PPP2R1A: variants seen among roughly 807,000 people sequenced by gnomAD.
PPP2R1A encodes the protein serine/threonine-protein phosphatase 2A 65 kDa regulatory subunit A alpha isoform.
A neutral mutation model predicts 67.1 loss-of-function variants in PPP2R1A; 15 were observed. The observed-to-expected ratio is 0.22, with a 90% CI of 0.15 to 0.34. The LOEUF is 0.34. Ranked by LOEUF, PPP2R1A falls within the 10% of genes least tolerant of loss-of-function variation. PPP2R1A has a pLI of 1.00. For synonymous variants in PPP2R1A, 337 were observed against 325.0 expected, an observed-to-expected ratio of 1.04 and a Z score of -0.40; for missense variants, 369 against 775.0, an observed-to-expected ratio of 0.48 and a Z score of 6.22.
At chr19:52,225,672 C>T (rs1456540274) in intron 13 of PPP2R1A, 45 bp from the exon 14 acceptor site, 2 of 1,575,936 alleles carry the variant, frequency 1.3e-6, no homozygotes, top group Non-Finnish European at 1.7e-6. Context: ...TGCCCCAGTC[C>T]ATCCTGGCTC....
chr19:52,204,149 A>G (rs187137152), intron 2 of PPP2R1A, among the ~76,000 whole-genome samples: 238 of 152,308 alleles, frequency 1.6e-3, no homozygotes, highest in African/African-American at 5.1e-3. Flanking sequence ...AGGCAGATGT[A>G]AGCTCAGTGT....
rs1020254790 is a variant in PPP2R1A, at chr19:52,216,296, A to G, written c.993+222A>G. ...ACCTCAGATGTCACTGAGTCCTGTC[A>G]TTCACAGGGTTTTGGGGTTGGAGTG... On this transcript the variant is annotated intron_variant, in intron 8 of 14. Transcript: ENST00000322088. The surrounding 1 kb of genome is among the most constrained non-coding windows in gnomAD (Gnocchi z 4.3). Among the ~76,000 whole-genome samples the G allele has an allele frequency of 2.6e-5, 4 of 152,130 alleles. No homozygotes were observed. Among genetic ancestry groups the G allele is most frequent in the Non-Finnish European group, 5.9e-5 (4 of 68,022 alleles).
intron 1 of PPP2R1A, chr19:52,201,639 G>GA: frequency 2.6e-6 from 1 of 377,980 alleles, no homozygotes; most frequent in East Asian, 5.2e-5. Context: ...GTGATGAAGA[G>GA]AGAGGAGGAG....
chr19:52,215,894 G>A lies in PPP2R1A; in HGVS notation c.922+1G>A. The A allele has an allele frequency of 6.2e-7, 1 of 1,614,044 alleles. No individual in the cohort carries two copies. Among genetic ancestry groups the A allele is most frequent in the Non-Finnish European group, 8.5e-7 (1 of 1,179,934 alleles). ...GCCGCAGCCTCCCACAAGGTCAAAGGTTGGTGCTGGCAGCCGGAACACAGC... is the reference window on the plus strand; with the variant it reads ...GCCGCAGCCTCCCACAAGGTCAAAGATTGGTGCTGGCAGCCGGAACACAGC... On this transcript the variant is annotated splice_donor_variant, in intron 7 of 14. Transcript: ENST00000322088. LOFTEE classifies it high-confidence loss of function.
At chr19:52,195,050 A>G (rs2089485723) in intron 1 of PPP2R1A, among the ~76,000 whole-genome samples, 2 of 152,184 alleles carry the variant, frequency 1.3e-5, no homozygotes, top group Non-Finnish European at 2.9e-5. Flanking sequence ...GGCCAGAGTA[A>G]GGCCTTAGCT....
Position 52,211,172 on chromosome 19 carries a change from A to G in PPP2R1A, c.271-88A>G. On this transcript the variant is annotated intron_variant, in intron 3 of 14. Transcript: ENST00000322088. This position sits in a 1 kb window ranked among gnomAD's most constrained non-coding sequence, Gnocchi z 5.3. The stretch of plus-strand genomic sequence containing the variant: ...TAATAGGGAAGTTTTCTCTGAGGAG[A>G]TGAGCCCATGATGGGGTGCAGGATG... The G allele has an allele frequency of 2.4e-6, 3 of 1,264,000 alleles. No individual in the cohort carries two copies. The highest frequency in any genetic ancestry group is 3.3e-6 in the Non-Finnish European group (3 of 902,944). 78.3% of individuals were successfully genotyped at this position (1,264,000 alleles called of 1,614,324 possible).
intron 3 of PPP2R1A, among the ~76,000 whole-genome samples, chr19:52,210,735 AC>A (rs559775680): frequency 2.0e-3 from 303 of 151,770 alleles, no homozygotes; most frequent in African/African-American, 6.9e-3. Context: ...CTCGTGATCC[AC>A]CCGCTTCAGC....
At chr19:52,197,098 G>A (rs1346610532) in intron 1 of PPP2R1A, among the ~76,000 whole-genome samples, 2 of 152,132 alleles carry the variant, frequency 1.3e-5, no homozygotes, top group Middle Eastern at 3.2e-3. Context: ...TTCCCAGGCA[G>A]GTCCATGAAT....
intron 1 of PPP2R1A, among the ~76,000 whole-genome samples, chr19:52,195,033 C>T (rs2089485530): frequency 6.6e-6 from 1 of 152,116 alleles, no homozygotes; most frequent in African/African-American, 2.4e-5. Flanking sequence ...TTGTGTTGGG[C>T]CTTGTAGGCC....
chr19:52,212,551 G>C lies in PPP2R1A; in HGVS notation c.504-135G>C. 1 of 1,063,146 alleles carries C rather than the reference G, an allele frequency of 9.4e-7. No individual in the cohort carries two copies. Among genetic ancestry groups the C allele is most frequent in the South Asian group, 1.6e-5 (1 of 63,870 alleles). The allele number at this position is 1,063,146 out of a possible 1,614,324, so 65.9% of individuals were successfully genotyped here. A position where few individuals can be genotyped will look rare whatever the true frequency, so the allele number is the denominator to read the frequency against. On this transcript the variant is annotated intron_variant, in intron 4 of 14. Transcript: ENST00000322088. This position sits in a 1 kb window ranked among gnomAD's most constrained non-coding sequence, Gnocchi z 4.1. ...ACTATCAGCTCCGTTTCATAGGGCTGGGAAGACAGAGAGGGGGTCATCACT... is the reference window on the plus strand; with the variant it reads ...ACTATCAGCTCCGTTTCATAGGGCTCGGAAGACAGAGAGGGGGTCATCACT...
intron 1 of PPP2R1A, among the ~76,000 whole-genome samples, chr19:52,198,990 C>G (rs2089522438): frequency 6.6e-6 from 1 of 152,158 alleles, no homozygotes; most frequent in Admixed American, 6.5e-5. Context: ...TAATTATTCC[C>G]TGTACCATCT....
chr19:52,206,098 C>T (rs375368808), intron 3 of PPP2R1A, 35 bp downstream of exon 3: 2 of 1,581,030 alleles, frequency 1.3e-6, no homozygotes, highest in South Asian at 1.1e-5. Context: ...TTGCCCACCC[C>T]TTAGGGTCGG....
intron 1 of PPP2R1A, chr19:52,201,018 A>C (rs1373445530): frequency 6.6e-6 from 1 of 151,150 alleles, no homozygotes; most frequent in African/African-American, 2.5e-5. Flanking sequence ...GACTGTTTTG[A>C]TGTGCACGTC....
rs187376583 is a variant in PPP2R1A at position 52,200,619 on chromosome 19, A to T, written c.79-1325A>T. Among the ~76,000 whole-genome samples, 6 of 152,300 alleles carry T rather than the reference A, an allele frequency of 3.9e-5. No individual in the cohort carries two copies. In the East Asian group the frequency reaches 1.2e-3, roughly 29 times the overall value. On this transcript the variant is annotated intron_variant, in intron 1 of 14. Coordinates refer to ENST00000322088, the MANE Select transcript of PPP2R1A (RefSeq NM_014225.6). Reference sequence around the variant, plus strand: ...CTTAACACAACGAATTTATTCTCTCACAGTTCTGGAGGCCGGAAGTCTGAA... The same window carrying T: ...CTTAACACAACGAATTTATTCTCTCTCAGTTCTGGAGGCCGGAAGTCTGAA...
intron 10 of PPP2R1A, 115 bp from the exon 11 acceptor site, chr19:52,220,074 T>C: frequency 7.7e-7 from 1 of 1,305,362 alleles, no homozygotes; most frequent in East Asian, 2.3e-5. Context: ...TCAGACAAAG[T>C]TGAGAAGTGT....
intron 13 of PPP2R1A, among the ~76,000 whole-genome samples, chr19:52,224,376 C>T (rs1430016688): frequency 6.6e-6 from 1 of 152,234 alleles, no homozygotes; most frequent in East Asian, 1.9e-4. Context: ...CCTCTGGGCT[C>T]CTGGAGGACC....
intron 2 of PPP2R1A, among the ~76,000 whole-genome samples, chr19:52,203,878 T>TA (rs2089576338): frequency 6.6e-6 from 1 of 152,138 alleles, no homozygotes; most frequent in African/African-American, 2.4e-5. Context: ...GGGAAACACT[T>TA]ATGTTTACTG....
rs987885895 is a variant in PPP2R1A, at chr19:52,190,061, C to G, written c.-36C>G. The stretch of plus-strand genomic sequence containing the variant: ...GCCCCCCCCACGTTTCAGCACAGCG[C>G]TGGCCGCAGTCTGACAGGAAAGGGA... On this transcript the variant is annotated 5_prime_UTR_variant, in exon 1 of 15. Transcript: ENST00000322088. The G allele has an allele frequency of 7.8e-6, 12 of 1,541,118 alleles. No homozygotes were observed. Among genetic ancestry groups the G allele is most frequent in the African/African-American group, 4.2e-5 (3 of 72,236 alleles).
At chr19:52,220,047 G>A in intron 10 of PPP2R1A, 142 bp from the exon 11 acceptor site, 4 of 1,199,308 alleles carry the variant, frequency 3.3e-6, no homozygotes. Flanking sequence ...ATAAGAGAGA[G>A]GAGGGAAAGG....
Sources: gnomAD v4.1 joint callset for allele counts (sites outside exome capture counted in the v4.1 genomes callset) on GRCh38, gnomAD v4.1.1 for gene constraint, Gnocchi (gnomAD v3.1) non-coding constraint, MANE v1.5 for transcripts, NCBI Gene and HGNC (gene_info 2026-07-23, HGNC 2026-07-21) for gene names.